MCM8: variants seen among roughly 807,000 people sequenced by gnomAD.
MCM8 encodes the protein minichromosome maintenance 8 homologous recombination repair factor, also known as DNA helicase MCM8.
In MCM8, 85 loss-of-function variants were observed where a neutral mutation model predicts 98.9. The ratio of observed to expected loss-of-function variants is 0.86; its 90% CI spans 0.72 to 1.03. The LOEUF (loss-of-function observed/expected upper bound fraction) is 1.03. Among genes scored for constraint, MCM8 ranks in the 50% least tolerant of loss-of-function variants. The pLI, the probability that MCM8 is intolerant of heterozygous loss-of-function variation, is 0.00. For synonymous variants in MCM8, 352 were observed against 338.6 expected (o/e 1.04, Z -0.44); for missense variants, 951 against 997.8 (o/e 0.95, Z 0.63).
chr20:5,973,028 T>A (rs372501236), intron 11 of MCM8, 28 bp from the exon 12 acceptor site: 2 of 1,610,938 alleles, frequency 1.2e-6, no homozygotes, highest in Non-Finnish European at 1.7e-6. Context: ...TCCTTACTTC[T>A]GTTTTTTGTT....
rs754811820 is a variant in MCM8 at position 5,963,301 on chromosome 20, T to C, written c.817T>C (p.Ser273Pro). 1 of 1,614,064 alleles carries C rather than the reference T, an allele frequency of 6.2e-7. No individual in the cohort carries two copies. The highest frequency in any genetic ancestry group is 2.2e-5 in the East Asian group (1 of 44,862). Residue 273 changes from serine to proline, a missense_variant, in exon 8 of 19, where the codon TCA becomes CCA. Ser to Pro is a moderately conservative substitution (Grantham distance 74, BLOSUM62 -1). Coordinates refer to ENST00000610722, the MANE Select transcript of MCM8 (RefSeq NM_032485.6). ...KCPVPVCRGR[S>P]FTALRSSPLT... ...TCCTGTGCCTGTGTGTCGAGGCAGG[T>C]CATTTACTGCTCTCCGCAGCTCTCC...
chr20:5,962,672 C>A lies in MCM8; in HGVS notation c.790-602C>A, dbSNP rs1212974568. Among the ~76,000 whole-genome samples, 5 of 151,984 alleles carry A rather than the reference C, an allele frequency of 3.3e-5. 1 individual carries two copies. Among genetic ancestry groups the A allele is most frequent in the Admixed American group, 2.0e-4 (3 of 15,246 alleles). ...TACAGGCGTGAGCCACCGCGCCCGG[C>A]CTTCATTTCTTAATGGAGGAGTAGC... On this transcript the variant is annotated intron_variant, in intron 7 of 18. Coordinates refer to ENST00000610722, the MANE Select transcript of MCM8 (RefSeq NM_032485.6).
chr20:5,996,035 C>T lies in MCM8; in HGVS notation c.*1644C>T, dbSNP rs1378157252. Reference sequence around the variant, plus strand: ...GTGGCTCACATCTATAATCCCAGAGCTTTGGGAGTTCGAGGCAGGAGGATC... The same window carrying T: ...GTGGCTCACATCTATAATCCCAGAGTTTTGGGAGTTCGAGGCAGGAGGATC... On this transcript the variant is annotated 3_prime_UTR_variant, in exon 19 of 19. Transcript: ENST00000610722. 1.3e-5 allele frequency: 2 copies of T among 152,158 alleles called. No homozygotes were observed. The highest frequency in any genetic ancestry group is 2.9e-5 in the Non-Finnish European group (2 of 68,072). 9.4% of individuals were successfully genotyped at this position (152,158 alleles called of 1,614,324 possible).
At chr20:5,985,260 A>G (rs561738899) in intron 15 of MCM8, among the ~76,000 whole-genome samples, 131 of 152,198 alleles carry the variant, frequency 8.6e-4, no homozygotes, top group African/African-American at 3.0e-3. Flanking sequence ...CCTGGCCAAC[A>G]TGATGAAACC....
intron 12 of MCM8, among the ~76,000 whole-genome samples, chr20:5,974,226 G>A (rs562578079): frequency 1.3e-5 from 2 of 152,108 alleles, no homozygotes; most frequent in East Asian, 1.9e-4. Flanking sequence ...TCCACCTTGG[G>A]CTCAGGCAAT....
In MCM8 at chr20:5,987,284, A is replaced by G; in HGVS notation, c.2166A>G (p.Ala722=). ...GAAAATGGTGTTTTCTTTTAAAGGC[A>G]CGAGCAAGGTTGGAATTGAGAGAGG... ...QLESLIRLTE[A]RARLELREEA... is the part of the protein sequence containing the mutation. Residue 722 remains alanine, a splice_region_variant and synonymous_variant, in exon 17 of 19, where the codon GCA becomes GCG. Coordinates refer to ENST00000610722, the MANE Select transcript of MCM8 (RefSeq NM_032485.6). The G allele has an allele frequency of 6.2e-7, 1 of 1,612,692 alleles. No individual in the cohort carries two copies. The highest frequency in any genetic ancestry group is 1.1e-5 in the South Asian group (1 of 90,732).
rs1421607474 is a variant in MCM8 at position 5,996,713 on chromosome 20, ATAAACC to A, written c.*2325_*2330del. 2 of 152,252 alleles carry A rather than the reference ATAAACC, an allele frequency of 1.3e-5. No individual in the cohort carries two copies. Among genetic ancestry groups the A allele is most frequent in the African/African-American group, 4.8e-5 (2 of 41,474 alleles). The allele number at this position is 152,252 out of a possible 1,614,324, so 9.4% of individuals were successfully genotyped here. A position where few individuals can be genotyped will look rare whatever the true frequency, so the allele number is the denominator to read the frequency against. On this transcript the variant is annotated 3_prime_UTR_variant, in exon 19 of 19. Transcript: ENST00000610722. ...TATATAAATTTATTTTTAAAAAGAC[ATAAACC>A]TACATTTTCAGAAGAAGAAGTTCCA...
chr20:5,960,139 T>G (rs1362302744), intron 7 of MCM8, among the ~76,000 whole-genome samples: 2 of 152,240 alleles, frequency 1.3e-5, no homozygotes, highest in Admixed American at 1.3e-4. Flanking sequence ...TTGTTAGGTA[T>G]AAATAATACT....
In MCM8 at chr20:5,976,155, G is replaced by A. The variant is rs115619696; in HGVS notation, c.1396-1721G>A. Among the ~76,000 whole-genome samples, 528 of 152,294 alleles carry A rather than the reference G, an allele frequency of 3.5e-3. 6 individuals are homozygous for A. Among genetic ancestry groups the A allele is most frequent in the African/African-American group, 0.012 (495 of 41,570 alleles). On this transcript the variant is annotated intron_variant, in intron 12 of 18. Coordinates refer to ENST00000610722, the MANE Select transcript of MCM8 (RefSeq NM_032485.6). ...AACAATTTTAAAAAAAATTAGGTGT[G>A]GTGGCATGTGCCTATAGTCCCAGCT...
At chr20:5,969,816 T>C (rs2089363656) in intron 10 of MCM8, among the ~76,000 whole-genome samples, 1 of 152,158 alleles carries the variant, frequency 6.6e-6, no homozygotes, top group Non-Finnish European at 1.5e-5. Context: ...TTAGCGTTGC[T>C]GGGGTGGTCT....
chr20:5,985,044 T>G (rs1372674435), intron 15 of MCM8, 44 bp downstream of exon 15: 8 of 1,531,478 alleles, frequency 5.2e-6, no homozygotes, highest in African/African-American at 1.4e-5. Context: ...TCTGTTTGAA[T>G]GTCAAAGTTC....
In MCM8 at chr20:5,998,055, G is replaced by A. The variant is rs1028618358; in HGVS notation, c.*3664G>A. ...TCCTTTGATAAAGAAGGGAAATATC[G>A]TACTTACATTAGCATGTTATAGTTG... On this transcript the variant is annotated 3_prime_UTR_variant, in exon 19 of 19. Transcript: ENST00000610722. The A allele has an allele frequency of 3.9e-5, 6 of 152,140 alleles. No homozygotes were observed. The highest frequency in any genetic ancestry group is 7.3e-5 in the Non-Finnish European group (5 of 68,036). 9.4% of individuals were successfully genotyped at this position (152,140 alleles called of 1,614,324 possible).
intron 17 of MCM8, among the ~76,000 whole-genome samples, chr20:5,988,980 T>C (rs2089788588): frequency 6.6e-6 from 1 of 152,178 alleles, no homozygotes; most frequent in South Asian, 2.1e-4. Flanking sequence ...ACACTGCTTC[T>C]CAGTTTCCTC....
At chr20:5,965,051 C>T (rs1292190114) in intron 8 of MCM8, 2 of 152,122 alleles carry the variant, frequency 1.3e-5, no homozygotes, top group Non-Finnish European at 2.9e-5. Flanking sequence ...TTCTCCGTTC[C>T]GACATTACTT....
rs574762918 is a variant in MCM8, at chr20:5,978,707, G to A, written c.1537+690G>A. Among the ~76,000 whole-genome samples, 93 of 152,216 alleles carry A rather than the reference G, an allele frequency of 6.1e-4. No individual in the cohort carries two copies. The South Asian group carries it at 0.018, about 30-fold the overall frequency. On this transcript the variant is annotated intron_variant, in intron 13 of 18. Transcript: ENST00000610722. ...TGAGTAGCTGGGATTACAGGTGTGCGTGACCACATCCAGCTAATTTTTGTA... is the reference window on the plus strand; with the variant it reads ...TGAGTAGCTGGGATTACAGGTGTGCATGACCACATCCAGCTAATTTTTGTA...
At chr20:5,951,631 T>G (rs1309798907) in intron 1 of MCM8, among the ~76,000 whole-genome samples, 1 of 152,246 alleles carries the variant, frequency 6.6e-6, no homozygotes, top group Non-Finnish European at 1.5e-5. Context: ...ATGTTCATCC[T>G]GTCCTGCCCT....
chr20:5,974,763 C>G (rs1168759454), intron 12 of MCM8, among the ~76,000 whole-genome samples: 3 of 152,138 alleles, frequency 2.0e-5, no homozygotes, highest in African/African-American at 7.2e-5. Flanking sequence ...CTGAGTCATC[C>G]TTTATTGCCT....
At position 5,954,596 on chromosome 20, in the gene MCM8, T is replaced by G. The variant is rs776004004; in HGVS notation, c.254-12T>G. On this transcript the variant is annotated splice_polypyrimidine_tract_variant and intron_variant, in intron 3 of 18. Coordinates refer to ENST00000610722, the MANE Select transcript of MCM8 (RefSeq NM_032485.6). ...GTGATTATTTGTGCTAATGCCATATTTGTTGGATTAGTTTACAGCGATAGC... is the reference window on the plus strand; with the variant it reads ...GTGATTATTTGTGCTAATGCCATATGTGTTGGATTAGTTTACAGCGATAGC... The G allele has an allele frequency of 1.3e-6, 2 of 1,555,486 alleles. No homozygotes were observed. The highest frequency in any genetic ancestry group is 3.4e-5 in the Admixed American group (2 of 59,464).
At chr20:5,977,636 T>C (rs1001496107) in intron 12 of MCM8, among the ~76,000 whole-genome samples, 4 of 152,248 alleles carry the variant, frequency 2.6e-5, no homozygotes, top group Non-Finnish European at 5.9e-5. Flanking sequence ...CTGGGTTTGA[T>C]TGAATCCTGA....
Sources: allele counts gnomAD v4.1 joint callset (sites outside exome capture counted in the v4.1 genomes callset), GRCh38; gene constraint gnomAD v4.1.1; transcripts MANE v1.5; gene names NCBI Gene and HGNC (gene_info 2026-07-23, HGNC 2026-07-21).